MLIP: variants seen among roughly 807,000 people sequenced by gnomAD.
MLIP encodes muscular LMNA-interacting protein.
In MLIP, 79 loss-of-function variants were observed where a neutral mutation model predicts 84.8. That is an observed-to-expected ratio of 0.93 (90% CI 0.78 to 1.12). MLIP has a LOEUF of 1.12. MLIP is among the 50% of genes most tolerant of loss of function. The probability of loss-of-function intolerance (pLI) is 0.00; values close to 1 mark genes in which losing one functional copy is unlikely to be tolerated. For synonymous variants in MLIP, 504 were observed against 463.0 expected, an observed-to-expected ratio of 1.09 and a Z score of -1.14; for missense variants, 1,257 against 1,160.6, an observed-to-expected ratio of 1.08 and a Z score of -1.21.
At chr6:54,213,731 A>ACAACAAC (rs5876369) in intron 11 of MLIP, among the ~76,000 whole-genome samples, 4 of 110,702 alleles carry the variant, frequency 3.6e-5, no homozygotes, top group Admixed American at 1.1e-4. Flanking sequence ...AAAAAAAAAA[A>ACAACAAC]AAAAACAACA....
intron 4 of MLIP, among the ~76,000 whole-genome samples, chr6:54,143,317 A>C (rs927522469): frequency 1.3e-5 from 2 of 150,204 alleles, no homozygotes; most frequent in African/African-American, 2.5e-5. Context: ...TCCCAGGTTC[A>C]ATTGATTCTC....
intron 11 of MLIP, chr6:54,203,861 C>CAGCCGTG (rs1274158715): frequency 6.6e-6 from 1 of 152,272 alleles, no homozygotes; most frequent in African/African-American, 2.4e-5. Context: ...GCTGGGATTA[C>CAGCCGTG]AGCCGTGAGC....
intron 11 of MLIP, among the ~76,000 whole-genome samples, 159 bp downstream of exon 11, chr6:54,202,392 G>A (rs1778753953): frequency 6.7e-6 from 1 of 150,154 alleles, no homozygotes; most frequent in Non-Finnish European, 1.5e-5. Context: ...AATATATTTG[G>A]TAATGAAAAA....
intron 1 of MLIP, among the ~76,000 whole-genome samples, chr6:54,097,831 G>T (rs1182733615): frequency 6.6e-6 from 1 of 152,140 alleles, no homozygotes; most frequent in African/African-American, 2.4e-5. Context: ...AGATTTTCAG[G>T]AAGGAAGACA....
intron 11 of MLIP, 39 bp downstream of exon 11, chr6:54,202,272 A>C (rs1484045620): frequency 1.1e-6 from 1 of 940,618 alleles, no homozygotes. Context: ...TATTTTGATA[A>C]ATATAAATAT....
At chr6:54,090,410 T>A (rs1016335583) in intron 1 of MLIP, among the ~76,000 whole-genome samples, 1 of 152,176 alleles carries the variant, frequency 6.6e-6, no homozygotes, top group Non-Finnish European at 1.5e-5. Flanking sequence ...AGGAAGATAA[T>A]CCTACCTCCA....
At chr6:54,195,345 C>G (rs951913812) in intron 10 of MLIP, among the ~76,000 whole-genome samples, 3 of 151,906 alleles carry the variant, frequency 2.0e-5, no homozygotes, top group African/African-American at 7.3e-5. Flanking sequence ...TCCTTTATTT[C>G]TTTTTTGCTT....
At chr6:54,157,070 A>G (rs1356445976) in intron 5 of MLIP, among the ~76,000 whole-genome samples, 2 of 152,102 alleles carry the variant, frequency 1.3e-5, no homozygotes, top group African/African-American at 4.8e-5. Context: ...GATCACCAAA[A>G]GTTCAAAGAA....
At chr6:54,105,421 G>GA (rs911570522) in intron 1 of MLIP, among the ~76,000 whole-genome samples, 1 of 151,966 alleles carries the variant, frequency 6.6e-6, no homozygotes, top group Non-Finnish European at 1.5e-5. Flanking sequence ...TTTTTCATTA[G>GA]AAAAAAATAA....
chr6:54,070,727 T>C (rs1332333228), intron 1 of MLIP, among the ~76,000 whole-genome samples: 1 of 152,364 alleles, frequency 6.6e-6, no homozygotes. Context: ...GTCTTCTTTT[T>C]AGCATATTGT....
intron 1 of MLIP, among the ~76,000 whole-genome samples, chr6:54,120,719 A>G (rs752845934): frequency 1.2e-3 from 186 of 152,000 alleles, no homozygotes; most frequent in Non-Finnish European, 2.5e-3. Flanking sequence ...CTCCTTTTCA[A>G]CTGGACTTAA....
At chr6:54,063,799 A>T (rs1203265524) in intron 1 of MLIP, among the ~76,000 whole-genome samples, 1 of 151,770 alleles carries the variant, frequency 6.6e-6, no homozygotes, top group Non-Finnish European at 1.5e-5. Flanking sequence ...CTCGTTCTAA[A>T]TTTTATTGCT....
rs1306197034 is a variant in MLIP at position 54,177,985 on chromosome 6, C to A, written c.2544+8413C>A. 5.3e-5 allele frequency among the ~76,000 whole-genome samples: 8 copies of A among 151,880 alleles called. No homozygotes were observed. In the South Asian group the frequency reaches 1.5e-3, roughly 28 times the overall value. ...CACATATTCTCACATATAAGTGGGA[C>A]CTGAACAATAAGAACACATAGACAC... On this transcript the variant is annotated intron_variant, in intron 9 of 13. Transcript: ENST00000502396.
At position 54,124,532 on chromosome 6, in the gene MLIP, G is replaced by A. The variant is rs200776368; in HGVS notation, c.312G>A (p.Ala104=). The change falls in exon 3 of 14, where the codon GCG becomes GCA. Residue 104 remains alanine, a synonymous_variant. Transcript: ENST00000502396. ...NAGSQQERDQ[A]KLTCPSEVSG... ...GGAGCCAACAAGAGAGAGACCAAGC[G>A]AAATTGACTTGTCCTTCAGAGGTCA... 50 of 1,614,048 alleles carry A rather than the reference G, an allele frequency of 3.1e-5. No homozygotes were observed. Among genetic ancestry groups the A allele is most frequent in the Non-Finnish European group, 3.6e-5 (42 of 1,180,018 alleles).
At chr6:54,053,144 G>A (rs922849711) in intron 1 of MLIP, among the ~76,000 whole-genome samples, 4 of 152,162 alleles carry the variant, frequency 2.6e-5, no homozygotes, top group African/African-American at 9.6e-5. Context: ...ACTAGAAAAT[G>A]GCAATAGCAG....
intron 11 of MLIP, among the ~76,000 whole-genome samples, chr6:54,213,993 T>A (rs912548345): frequency 2.0e-5 from 3 of 152,156 alleles, no homozygotes; most frequent in African/African-American, 7.2e-5. Context: ...GCCATTTATT[T>A]TTTATGTGCT....
Position 54,036,695 on chromosome 6 carries a change from A to T in MLIP, c.63+17604A>T, listed in dbSNP as rs1007595059. ...AATATGGAGGTTCCTAAAAAAATGA[A>T]AAATAGAACTACTATATGACCCAGC... On this transcript the variant is annotated intron_variant, in intron 1 of 12. Coordinates refer to the MLIP transcript ENST00000274897. Among the ~76,000 whole-genome samples, 9 of 152,192 alleles carry T rather than the reference A, an allele frequency of 5.9e-5. No individual in the cohort carries two copies. The East Asian group carries it at 1.2e-3, about 20-fold the overall frequency.
intron 12 of MLIP, among the ~76,000 whole-genome samples, chr6:54,237,334 G>A (rs1365157496): frequency 6.6e-6 from 1 of 151,530 alleles, no homozygotes; most frequent in Admixed American, 6.6e-5. Context: ...GAGGGGGTGG[G>A]GCAGCATCAA....
chr6:54,129,967 A>AT (rs905603406), intron 3 of MLIP, among the ~76,000 whole-genome samples: 15 of 151,756 alleles, frequency 9.9e-5, no homozygotes, highest in Middle Eastern at 3.4e-3. Flanking sequence ...TGACCAAGTG[A>AT]TTTTTTTTTA....
Sources: gnomAD v4.1 joint callset for allele counts (sites outside exome capture counted in the v4.1 genomes callset) on GRCh38, gnomAD v4.1.1 for gene constraint, MANE v1.5 for transcripts, NCBI Gene and HGNC (gene_info 2026-07-23, HGNC 2026-07-21) for gene names.